The following RALGAPA1 variants were observed in gnomAD, a reference collection of about 807,000 sequenced individuals.
The protein encoded by RALGAPA1 is Ral GTPase activating protein catalytic subunit alpha 1.
RALGAPA1 carries 52 observed loss-of-function variants against 269.6 expected under a neutral mutation model. The ratio of observed to expected loss-of-function variants is 0.19; its 90% CI spans 0.15 to 0.24. The LOEUF is 0.24. RALGAPA1 is among the 10% of genes least tolerant of loss of function. RALGAPA1 has a pLI of 1.00. For synonymous variants in RALGAPA1, 817 were observed against 1,008.3 expected (o/e 0.81, Z 3.60); for missense variants, 1,917 against 3,013.9 (o/e 0.64, Z 8.52).
intron 1 of RALGAPA1, among the ~76,000 whole-genome samples, chr14:35,779,036 A>G (rs1490412043): frequency 6.6e-6 from 1 of 152,214 alleles, no homozygotes; most frequent in Non-Finnish European, 1.5e-5. Flanking sequence ...AGATCTATTC[A>G]GCCTCCAATG....
chr14:35,707,765 A>G (rs538201681), intron 16 of RALGAPA1, among the ~76,000 whole-genome samples: 61 of 152,302 alleles, frequency 4.0e-4, no homozygotes, highest in Non-Finnish European at 7.5e-4. Flanking sequence ...TTATTGATTC[A>G]ATTTCATTAA....
chr14:35,774,722 C>T (rs564286732), intron 3 of RALGAPA1, among the ~76,000 whole-genome samples: 4 of 152,172 alleles, frequency 2.6e-5, no homozygotes, highest in Admixed American at 1.3e-4. Flanking sequence ...AGTAAACCTT[C>T]GACAAATTAA....
chr14:35,759,611 G>C (rs1273787871), intron 6 of RALGAPA1, among the ~76,000 whole-genome samples: 1 of 149,394 alleles, frequency 6.7e-6, no homozygotes, highest in Non-Finnish European at 1.5e-5. Context: ...AAAAAAAAGT[G>C]AATGTTAGAA....
intron 1 of RALGAPA1, among the ~76,000 whole-genome samples, chr14:35,788,975 G>A (rs138466145): frequency 4.6e-5 from 7 of 152,146 alleles, no homozygotes; most frequent in African/African-American, 1.4e-4. Flanking sequence ...CTGATTATAT[G>A]CCAGGCGCCA....
intron 38 of RALGAPA1, among the ~76,000 whole-genome samples, chr14:35,572,187 C>G (rs1020841940): frequency 6.6e-6 from 1 of 151,884 alleles, no homozygotes; most frequent in African/African-American, 2.4e-5. Context: ...TAAGATATAT[C>G]AACTAAAAAT....
chr14:35,582,625 G>A lies in RALGAPA1; in HGVS notation c.7210-9907C>T, dbSNP rs561159563. Among the ~76,000 whole-genome samples the A allele has an allele frequency of 2.0e-5, 3 of 152,282 alleles. No individual in the cohort carries two copies. In the East Asian group the frequency reaches 5.8e-4, roughly 29 times the overall value. ...CTCCAGGAGAAACCAGTCTTATGGGGAACTTCCCTACTTTTGTGAGTTTTA... is the reference window on the plus strand; with the variant it reads ...CTCCAGGAGAAACCAGTCTTATGGGAAACTTCCCTACTTTTGTGAGTTTTA... On this transcript the variant is annotated intron_variant, in intron 37 of 41. Transcript: ENST00000680220.
In RALGAPA1 at chr14:35,724,875, A is replaced by G. The variant is rs1377247205; in HGVS notation, c.1866+149T>C. On this transcript the variant is annotated intron_variant, in intron 14 of 41. Coordinates refer to ENST00000680220, the MANE Select transcript of RALGAPA1 (RefSeq NM_001346249.2). Reference sequence around the variant, plus strand: ...AAGTTAGCTCTACAAAAGATCCCTTAATAAATAAGAAATAATCTCTAATTT... The same window carrying G: ...AAGTTAGCTCTACAAAAGATCCCTTGATAAATAAGAAATAATCTCTAATTT... The G allele has an allele frequency of 1.0e-5, 6 of 585,026 alleles. No homozygotes were observed. In the African/African-American group the frequency reaches 1.2e-4, roughly 11 times the overall value. 36.2% of individuals were successfully genotyped at this position (585,026 alleles called of 1,614,324 possible). A position where few individuals can be genotyped will look rare whatever the true frequency, so the allele number is the denominator to read the frequency against.
chr14:35,655,736 C>A, intron 29 of RALGAPA1, 71 bp downstream of exon 29: 6 of 1,539,400 alleles, frequency 3.9e-6, no homozygotes, highest in Admixed American at 2.1e-5. Flanking sequence ...CACAAGATAC[C>A]ATTAATATTT....
intron 31 of RALGAPA1, among the ~76,000 whole-genome samples, chr14:35,650,426 T>C (rs1372420979): frequency 6.6e-6 from 1 of 151,780 alleles, no homozygotes; most frequent in Non-Finnish European, 1.5e-5. Context: ...AAAATAAAAA[T>C]GAAGTATATG....
intron 35 of RALGAPA1, among the ~76,000 whole-genome samples, chr14:35,619,194 T>G (rs1330599005): frequency 6.6e-6 from 1 of 151,944 alleles, no homozygotes; most frequent in Non-Finnish European, 1.5e-5. Flanking sequence ...AGACTGTAAG[T>G]GTTAGAAGGA....
At chr14:35,588,359 G>A (rs936493889) in intron 37 of RALGAPA1, among the ~76,000 whole-genome samples, 3 of 152,196 alleles carry the variant, frequency 2.0e-5, no homozygotes, top group Non-Finnish European at 4.4e-5. Context: ...GAGGGAAACA[G>A]GCATCTTATT....
intron 17 of RALGAPA1, among the ~76,000 whole-genome samples, chr14:35,691,084 A>C (rs771180471): frequency 6.7e-6 from 1 of 149,592 alleles, no homozygotes; most frequent in East Asian, 2.0e-4. Context: ...AATAATAATA[A>C]TAATAATTAT....
rs1481097377 is a variant in RALGAPA1 at position 35,750,539 on chromosome 14, T to C, written c.954A>G (p.Pro318=). The C allele has an allele frequency of 3.1e-6, 5 of 1,613,096 alleles. No homozygotes were observed. Among genetic ancestry groups the C allele is most frequent in the African/African-American group, 1.3e-5 (1 of 74,904 alleles). Residue 318 remains proline (P), a synonymous_variant, in exon 9 of 42, where the codon CCA becomes CCG. Transcript: ENST00000680220. ...TCCCAGGAATATGAGGTCCTGTATG[T>C]GGTTTTGGCTCCAGCCAGAAAGAAA... is the stretch of plus-strand genomic sequence containing the variant. ...WLVSFWLEPK[P]HTGPHIPGME...
At chr14:35,577,705 T>C (rs886821566) in intron 37 of RALGAPA1, among the ~76,000 whole-genome samples, 5 of 152,200 alleles carry the variant, frequency 3.3e-5, no homozygotes, top group Admixed American at 6.5e-5. Context: ...TGCCATATAA[T>C]ATCACTTATC....
chr14:35,757,598 A>G (rs1377319346), intron 6 of RALGAPA1, among the ~76,000 whole-genome samples: 8 of 152,252 alleles, frequency 5.3e-5, no homozygotes, highest in African/African-American at 2.4e-5. Context: ...GATGACAAAC[A>G]TTAGTAATAA....
At chr14:35,676,722 T>C (rs2064984931) in intron 22 of RALGAPA1, 1 of 152,238 alleles carries the variant, frequency 6.6e-6, no homozygotes, top group Non-Finnish European at 1.5e-5. Flanking sequence ...GATCTGATAT[T>C]TGCAATTTCC....
intron 37 of RALGAPA1, among the ~76,000 whole-genome samples, chr14:35,584,406 G>A (rs1158742454): frequency 2.0e-5 from 3 of 151,946 alleles, no homozygotes; most frequent in Non-Finnish European, 2.9e-5. Flanking sequence ...CTGGGACCAT[G>A]GGGATACACC....
intron 37 of RALGAPA1, among the ~76,000 whole-genome samples, chr14:35,580,856 C>T (rs1368764237): frequency 6.6e-6 from 1 of 152,120 alleles, no homozygotes. Context: ...TGACTGTCGA[C>T]TATCTAATTT....
chr14:35,733,355 T>G (rs1433437184), intron 12 of RALGAPA1, among the ~76,000 whole-genome samples: 4 of 152,032 alleles, frequency 2.6e-5, no homozygotes, highest in Admixed American at 2.0e-4. Flanking sequence ...TGCATGCCTG[T>G]AATCCCAGCT....
Sources: gnomAD v4.1 joint callset for allele counts (sites outside exome capture counted in the v4.1 genomes callset) on GRCh38, gnomAD v4.1.1 for gene constraint, MANE v1.5 for transcripts, NCBI Gene and HGNC (gene_info 2026-07-23, HGNC 2026-07-21) for gene names.